The following RYR2 variants were observed in gnomAD, a reference collection of about 807,000 sequenced individuals.
RYR2 encodes cardiac muscle ryanodine receptor-calcium release channel.
A neutral mutation model predicts 601.1 loss-of-function variants in RYR2; 227 were observed. The ratio of observed to expected loss-of-function variants is 0.38; its 90% confidence interval spans 0.34 to 0.42. The LOEUF (loss-of-function observed/expected upper bound fraction) is 0.42. Ranked by LOEUF, RYR2 falls within the 10% of genes least tolerant of loss-of-function variation. RYR2 has a pLI of 1.00. For synonymous variants in RYR2, 2,223 were observed against 2,175.1 expected, an observed-to-expected ratio of 1.02 and a Z score of -0.61; for missense variants, 4,646 against 6,156.5, an observed-to-expected ratio of 0.75 and a Z score of 8.21.
chr1:237,465,090 G>GCGCA (rs1659920241), intron 16 of RYR2, among the ~76,000 whole-genome samples: 3 of 150,120 alleles, frequency 2.0e-5, no homozygotes, highest in African/African-American at 7.4e-5. Flanking sequence ...ACACACACAT[G>GCGCA]CACACACACA....
chr1:237,318,198 T>C (rs1695293068), intron 2 of RYR2, among the ~76,000 whole-genome samples: 2 of 152,138 alleles, frequency 1.3e-5, no homozygotes, highest in Admixed American at 1.3e-4. Flanking sequence ...TTCAGAATAA[T>C]ACTCATTTAA....
intron 73 of RYR2, among the ~76,000 whole-genome samples, chr1:237,720,638 G>A (rs1689640004): frequency 6.6e-6 from 1 of 152,162 alleles, no homozygotes; most frequent in South Asian, 2.1e-4. Flanking sequence ...ATGTACATGG[G>A]TATTTGAGAA....
At chr1:237,207,111 C>T (rs1681897414) in intron 1 of RYR2, among the ~76,000 whole-genome samples, 1 of 150,548 alleles carries the variant, frequency 6.6e-6, no homozygotes, top group Admixed American at 6.6e-5. Flanking sequence ...GAGTTTGAGA[C>T]CAGCCTGGAC....
Position 237,535,484 on chromosome 1 carries a change from TACACAC to T in RYR2, c.2906+5003_2906+5008del, listed in dbSNP as rs58146773. On this transcript the variant is annotated intron_variant, in intron 25 of 104. Coordinates refer to ENST00000366574, the MANE Select transcript of RYR2 (RefSeq NM_001035.3). ...TTAAAGGAATTGAATCAAACACACATACACACACACACACACACACACACACACACA... is the reference window on the plus strand; with the variant it reads ...TTAAAGGAATTGAATCAAACACACATACACACACACACACACACACACACA... Among the ~76,000 whole-genome samples the T allele has an allele frequency of 1.5e-3, 212 of 144,706 alleles. 1 individual carries two copies. The highest frequency in any genetic ancestry group is 0.012 in the East Asian group (61 of 4,946). The allele number at this position is 144,706 out of a possible 152,430, so 94.9% of individuals were successfully genotyped here.
chr1:237,198,651 T>G (rs1680835223), intron 1 of RYR2, among the ~76,000 whole-genome samples: 1 of 152,252 alleles, frequency 6.6e-6, no homozygotes, highest in African/African-American at 2.4e-5. Context: ...GGCATGAACT[T>G]GACTGCTCTT....
intron 3 of RYR2, among the ~76,000 whole-genome samples, chr1:237,340,236 G>A (rs1012108103): frequency 6.6e-6 from 1 of 152,134 alleles, no homozygotes; most frequent in Non-Finnish European, 1.5e-5. Flanking sequence ...CCATGACCAA[G>A]AAATAGAAAG....
At chr1:237,063,364 A>G (rs555622739) in intron 1 of RYR2, among the ~76,000 whole-genome samples, 1 of 150,566 alleles carries the variant, frequency 6.6e-6, no homozygotes. Flanking sequence ...GCCTTTCTTT[A>G]GATTAATATT....
intron 62 of RYR2, among the ~76,000 whole-genome samples, chr1:237,683,793 A>G (rs1352411923): frequency 6.6e-6 from 1 of 152,148 alleles, no homozygotes; most frequent in Non-Finnish European, 1.5e-5. Context: ...CAAAGGTATG[A>G]TTGATGAGAG....
chr1:237,645,846 A>G (rs1388565414), intron 48 of RYR2, among the ~76,000 whole-genome samples: 1 of 148,956 alleles, frequency 6.7e-6, no homozygotes, highest in African/African-American at 2.5e-5. Context: ...AACACAATCC[A>G]TTGGTATTTG....
chr1:237,646,393 A>C (rs1278951925), intron 48 of RYR2, among the ~76,000 whole-genome samples: 1 of 152,054 alleles, frequency 6.6e-6, no homozygotes, highest in Non-Finnish European at 1.5e-5. Flanking sequence ...TGTAGACAGA[A>C]ACCTGTAGGT....
rs985177525 is a variant in RYR2, at chr1:237,663,737, G to A, written c.8437-2775G>A. On this transcript the variant is annotated intron_variant, in intron 56 of 104. Coordinates refer to ENST00000366574, the MANE Select transcript of RYR2 (RefSeq NM_001035.3). ...ATATAGGTGAGCCATAATTTTTGTCGTTATCATCGTTATGTGGATCAATAA... is the reference window on the plus strand; with the variant it reads ...ATATAGGTGAGCCATAATTTTTGTCATTATCATCGTTATGTGGATCAATAA... 3.2e-4 allele frequency among the ~76,000 whole-genome samples: 49 copies of A among 152,258 alleles called. 1 individual carries two copies. The highest frequency in any genetic ancestry group is 1.2e-3 in the African/African-American group (48 of 41,542).
intron 1 of RYR2, among the ~76,000 whole-genome samples, chr1:237,190,062 T>A (rs1275196800): frequency 6.6e-6 from 1 of 151,770 alleles, no homozygotes; most frequent in Admixed American, 6.6e-5. Context: ...TTATTTTTAT[T>A]TTTTTTAGTA....
At chr1:237,303,032 T>C (rs1408161892) in intron 2 of RYR2, among the ~76,000 whole-genome samples, 1 of 152,170 alleles carries the variant, frequency 6.6e-6, no homozygotes, top group Admixed American at 6.5e-5. Flanking sequence ...GCATAAGATC[T>C]CTGTTTTGAA....
intron 27 of RYR2, among the ~76,000 whole-genome samples, chr1:237,563,449 G>A (rs986590070): frequency 6.9e-6 from 1 of 145,030 alleles, no homozygotes; most frequent in East Asian, 2.0e-4. Context: ...AAAATCCACA[G>A]AGATTAAAAA....
intron 61 of RYR2, among the ~76,000 whole-genome samples, chr1:237,678,398 AT>A (rs1685586286): frequency 6.6e-6 from 1 of 152,200 alleles, no homozygotes; most frequent in African/African-American, 2.4e-5. Flanking sequence ...GGAATAAAAA[AT>A]ATCTATTTCT....
chr1:237,571,477 G>A (rs746731413), intron 29 of RYR2, among the ~76,000 whole-genome samples: 8 of 151,990 alleles, frequency 5.3e-5, no homozygotes, highest in Non-Finnish European at 8.8e-5. Context: ...AACACGCCTC[G>A]CTAATTTTTG....
At chr1:237,215,750 T>C (rs758221855) in intron 1 of RYR2, among the ~76,000 whole-genome samples, 2 of 152,202 alleles carry the variant, frequency 1.3e-5, no homozygotes, top group Non-Finnish European at 2.9e-5. Context: ...AAAAAGCTTC[T>C]CTATAAATTC....
Position 237,726,712 on chromosome 1 carries a change from T to C in RYR2, c.10726-375T>C, listed in dbSNP as rs568878005. 2.0e-5 allele frequency among the ~76,000 whole-genome samples: 3 copies of C among 152,224 alleles called. No homozygotes were observed. The South Asian group carries it at 6.2e-4, about 32-fold the overall frequency. ...ATATTTTATGTAGGCAGAAAATATG[T>C]ATTAAAATCATAAAGAACCAAAGAA... On this transcript the variant is annotated intron_variant, in intron 75 of 104. Transcript: ENST00000366574.
chr1:237,762,640 C>T (rs916046582), intron 84 of RYR2, among the ~76,000 whole-genome samples: 3 of 152,138 alleles, frequency 2.0e-5, no homozygotes, highest in East Asian at 1.9e-4. Context: ...ATAACATTTT[C>T]GAGTCCCAAG....
Sources: allele counts gnomAD v4.1 joint callset (sites outside exome capture counted in the v4.1 genomes callset), GRCh38; gene constraint gnomAD v4.1.1; transcripts MANE v1.5; gene names NCBI Gene and HGNC (gene_info 2026-07-23, HGNC 2026-07-21).